CCDC171: variants seen among roughly 807,000 people sequenced by gnomAD.
CCDC171 encodes the protein coiled-coil domain containing 171, also known as coiled-coil domain-containing protein 171.
CCDC171 carries 177 observed loss-of-function variants against 168.2 expected under a neutral mutation model. The observed-to-expected ratio is 1.05, with a 90% CI of 0.93 to 1.19. The LOEUF (loss-of-function observed/expected upper bound fraction) is 1.19. Ranked by LOEUF, CCDC171 falls within the 50% of genes most tolerant of loss-of-function variation. CCDC171 has a pLI of 0.00. For synonymous variants in CCDC171, 687 were observed against 540.8 expected (o/e 1.27, Z -3.75); for missense variants, 1,991 against 1,539.0 (o/e 1.29, Z -4.91).
intron 7 of CCDC171, among the ~76,000 whole-genome samples, chr9:15,648,797 A>G (rs913825177): frequency 6.6e-6 from 1 of 152,198 alleles, no homozygotes; most frequent in Non-Finnish European, 1.5e-5. Flanking sequence ...AGGAAGAATA[A>G]ATATCATGAA....
chr9:15,597,980 T>A (rs576852428), intron 6 of CCDC171, among the ~76,000 whole-genome samples: 2 of 152,302 alleles, frequency 1.3e-5, no homozygotes, highest in South Asian at 4.1e-4. Flanking sequence ...TTTTGTGGGA[T>A]CGGTGGTGAT....
At chr9:16,065,129 G>A (rs1474553386), downstream of CCDC171, among the ~76,000 whole-genome samples, 1 of 152,184 alleles carries the variant, frequency 6.6e-6, no homozygotes, top group Non-Finnish European at 1.5e-5. Context: ...TGCGAGCAAA[G>A]CACCTTTCCC....
intron 11 of CCDC171, among the ~76,000 whole-genome samples, chr9:15,710,166 C>T (rs1220401399): frequency 6.6e-6 from 1 of 151,988 alleles, no homozygotes; most frequent in Non-Finnish European, 1.5e-5. Flanking sequence ...TTAAAAATTT[C>T]TTAGTGTCAT....
chr9:15,795,392 C>A (rs1588547875), intron 21 of CCDC171, among the ~76,000 whole-genome samples: 1 of 152,132 alleles, frequency 6.6e-6, no homozygotes, highest in African/African-American at 2.4e-5. Flanking sequence ...AAGATTTTAA[C>A]ACATGAACTT....
chr9:15,985,131 C>G lies in CCDC171; in HGVS notation n.369-35458C>G, dbSNP rs140848572. Among the ~76,000 whole-genome samples, 408 of 152,102 alleles carry G rather than the reference C, an allele frequency of 2.7e-3. 2 individuals are homozygous for G. Among genetic ancestry groups the G allele is most frequent in the African/African-American group, 9.2e-3 (381 of 41,488 alleles). The stretch of plus-strand genomic sequence containing the variant: ...TTTTATGTTTAGAAGAAAATAAACT[C>G]TATAAAGACAGCAGAGGAACATTTC... On this transcript the variant is annotated intron_variant and non_coding_transcript_variant, in intron 3 of 9. Coordinates refer to the CCDC171 transcript ENST00000486641.
intron 8 of CCDC171, among the ~76,000 whole-genome samples, chr9:15,663,636 C>T (rs1241171792): frequency 3.5e-5 from 5 of 141,328 alleles, no homozygotes; most frequent in African/African-American, 5.3e-5. Flanking sequence ...GAGGGAGTAT[C>T]GCTCTGTCAC....
chr9:16,045,794 C>T (rs1324458995), intron 1 of CCDC171, among the ~76,000 whole-genome samples: 1 of 152,186 alleles, frequency 6.6e-6, no homozygotes, highest in Non-Finnish European at 1.5e-5. Context: ...TTTGGTGACT[C>T]TTTTCTAACT....
the CCDC171 span, among the ~76,000 whole-genome samples, chr9:16,088,146 G>A: frequency 6.6e-6 from 1 of 152,150 alleles, no homozygotes; most frequent in African/African-American, 2.4e-5. Flanking sequence ...AATAGATGCA[G>A]AAAAGGCCTT....
chr9:15,973,240 T>C lies in CCDC171; in HGVS notation c.*1404T>C, dbSNP rs989908591. 8 of 152,194 alleles carry C rather than the reference T, an allele frequency of 5.3e-5. No homozygotes were observed. The highest frequency in any genetic ancestry group is 5.2e-4 in the Admixed American group (8 of 15,272). The allele number at this position is 152,194 out of a possible 1,614,324, so 9.4% of individuals were successfully genotyped here. A position where few individuals can be genotyped will look rare whatever the true frequency, so the allele number is the denominator to read the frequency against. On this transcript the variant is annotated 3_prime_UTR_variant, in exon 26 of 26. Transcript: ENST00000380701. ...ACAAAGAGTCTTGATACATAATCTATTTTTTATATTATTTTTCATTATGGA... is the reference window on the plus strand; with the variant it reads ...ACAAAGAGTCTTGATACATAATCTACTTTTTATATTATTTTTCATTATGGA...
At chr9:16,000,012 T>G (rs777757343) in intron 3 of CCDC171, among the ~76,000 whole-genome samples, 3 of 152,200 alleles carry the variant, frequency 2.0e-5, no homozygotes, top group Admixed American at 2.0e-4. Flanking sequence ...GTAACTATTC[T>G]GACAAAATCT....
chr9:15,750,347 A>G (rs2055636454), intron 18 of CCDC171, among the ~76,000 whole-genome samples: 1 of 152,192 alleles, frequency 6.6e-6, no homozygotes, highest in Non-Finnish European at 1.5e-5. Flanking sequence ...CACCAAAAAA[A>G]GCCCAGGACC....
intron 21 of CCDC171, among the ~76,000 whole-genome samples, chr9:15,794,371 A>C (rs2058439556): frequency 6.6e-6 from 1 of 152,114 alleles, no homozygotes; most frequent in South Asian, 2.1e-4. Flanking sequence ...AGGCTGAGGC[A>C]GGAGAATCAC....
At chr9:16,091,022 A>G in the CCDC171 span, among the ~76,000 whole-genome samples, 2 of 151,958 alleles carry the variant, frequency 1.3e-5, no homozygotes, top group African/African-American at 2.4e-5. Flanking sequence ...TACTTGTGCC[A>G]TTTGCTCTTC....
intron 23 of CCDC171, among the ~76,000 whole-genome samples, chr9:15,851,459 A>G (rs997802532): frequency 6.6e-6 from 1 of 151,834 alleles, no homozygotes; most frequent in African/African-American, 2.4e-5. Context: ...TATTGGAGAT[A>G]AGAAAAATAA....
intron 24 of CCDC171, 164 bp downstream of exon 24, chr9:15,874,827 A>AC: frequency 5.9e-6 from 4 of 678,968 alleles, no homozygotes; most frequent in Non-Finnish European, 8.6e-6. Flanking sequence ...TTTACAAAAT[A>AC]TTGTTTTTTT....
At chr9:15,979,435 C>T (rs1831725114) in intron 3 of CCDC171, among the ~76,000 whole-genome samples, 1 of 152,038 alleles carries the variant, frequency 6.6e-6, no homozygotes, top group Admixed American at 6.6e-5. Flanking sequence ...TTCATAGATG[C>T]CCTTTATCAG....
chr9:15,599,594 T>G (rs1048436384), intron 6 of CCDC171, among the ~76,000 whole-genome samples: 3 of 152,210 alleles, frequency 2.0e-5, no homozygotes, highest in Non-Finnish European at 2.9e-5. Flanking sequence ...TTTTCCTTCA[T>G]TTCAACTTTG....
intron 7 of CCDC171, among the ~76,000 whole-genome samples, chr9:15,651,410 A>G (rs2047513475): frequency 1.3e-5 from 2 of 150,508 alleles, no homozygotes; most frequent in Admixed American, 6.6e-5. Context: ...TGCCTGGCCT[A>G]TAGTTTTTTT....
chr9:15,896,635 T>G (rs1820933380), intron 24 of CCDC171, among the ~76,000 whole-genome samples: 1 of 152,094 alleles, frequency 6.6e-6, no homozygotes, highest in Non-Finnish European at 1.5e-5. Flanking sequence ...ACAAAATTTT[T>G]TCTCTTCTAC....
Sources: allele counts gnomAD v4.1 joint callset (sites outside exome capture counted in the v4.1 genomes callset), GRCh38; gene constraint gnomAD v4.1.1; transcripts MANE v1.5; gene names NCBI Gene and HGNC (gene_info 2026-07-23, HGNC 2026-07-21).